The following ADGRB3 variants were observed in gnomAD, a reference collection of about 807,000 sequenced individuals.
The protein encoded by ADGRB3 is brain-specific angiogenesis inhibitor 3.
In ADGRB3, 37 loss-of-function variants were observed where a neutral mutation model predicts 193.4. The ratio of observed to expected loss-of-function variants is 0.19; its 90% CI spans 0.15 to 0.25. The LOEUF (loss-of-function observed/expected upper bound fraction) is 0.25. Among genes scored for constraint, ADGRB3 ranks in the 10% least tolerant of loss-of-function variants. The pLI is 1.00. For synonymous variants in ADGRB3, 690 were observed against 644.2 expected (o/e 1.07, Z -1.08); for missense variants, 1,637 against 1,852.9 (o/e 0.88, Z 2.14).
intron 10 of ADGRB3, among the ~76,000 whole-genome samples, chr6:68,990,828 A>C (rs1167491376): frequency 6.6e-6 from 1 of 152,190 alleles, no homozygotes; most frequent in Non-Finnish European, 1.5e-5. Context: ...TTACCGTGGC[A>C]ACCATTGCTA....
chr6:69,301,794 T>C (rs1767954503), intron 20 of ADGRB3, among the ~76,000 whole-genome samples: 1 of 151,962 alleles, frequency 6.6e-6, no homozygotes, highest in South Asian at 2.1e-4. Flanking sequence ...AAAATCAGTT[T>C]TTCACAAAAT....
At chr6:69,268,558 G>A (rs1192095342) in intron 20 of ADGRB3, among the ~76,000 whole-genome samples, 2 of 151,622 alleles carry the variant, frequency 1.3e-5, no homozygotes, top group Admixed American at 6.6e-5. Flanking sequence ...GGCATTTAAG[G>A]CATCTACACA....
intron 3 of ADGRB3, among the ~76,000 whole-genome samples, chr6:68,660,909 G>A (rs1269578442): frequency 6.6e-6 from 1 of 150,872 alleles, no homozygotes; most frequent in African/African-American, 2.4e-5. Context: ...ATAAATGGCT[G>A]TCAGAAAATC....
intron 20 of ADGRB3, among the ~76,000 whole-genome samples, chr6:69,279,863 T>C (rs1156988980): frequency 2.0e-5 from 3 of 152,144 alleles, no homozygotes; most frequent in African/African-American, 4.8e-5. Flanking sequence ...CATCTTTTTA[T>C]ACTAGGTAGC....
At chr6:68,778,442 C>T (rs756967371) in intron 3 of ADGRB3, among the ~76,000 whole-genome samples, 1 of 152,080 alleles carries the variant, frequency 6.6e-6, no homozygotes, top group Non-Finnish European at 1.5e-5. Context: ...GACAATTCCT[C>T]GCTATGAAAC....
In ADGRB3 at chr6:68,956,052, G is replaced by T. The variant is rs147746294; in HGVS notation, c.1224G>T (p.Ser408=). 1.9e-6 allele frequency: 3 copies of T among 1,613,616 alleles called. No individual in the cohort carries two copies. Among genetic ancestry groups the T allele is most frequent in the African/African-American group, 1.3e-5 (1 of 74,982 alleles). Residue 408 remains serine, a synonymous_variant, in exon 7 of 32, where the codon TCG becomes TCT. Coordinates refer to ENST00000370598, the MANE Select transcript of ADGRB3 (RefSeq NM_001704.3). ...PVDGQWQEWS[S]WSQCSVTCSN... ...ATGGACAGTGGCAAGAGTGGAGTTC[G>T]TGGAGCCAGTGCTCAGTAACGTGCT...
intron 3 of ADGRB3, among the ~76,000 whole-genome samples, chr6:68,918,125 T>G (rs1311145636): frequency 6.6e-6 from 1 of 152,200 alleles, no homozygotes; most frequent in Non-Finnish European, 1.5e-5. Flanking sequence ...AAAACATTTT[T>G]CCTTCAGAGA....
At chr6:69,290,545 T>C (rs763618720) in intron 20 of ADGRB3, among the ~76,000 whole-genome samples, 1 of 152,142 alleles carries the variant, frequency 6.6e-6, no homozygotes, top group Non-Finnish European at 1.5e-5. Flanking sequence ...TCAACCCAAA[T>C]CAGTTTCTAA....
chr6:69,302,825 T>C (rs192834191), intron 20 of ADGRB3, among the ~76,000 whole-genome samples: 5 of 152,088 alleles, frequency 3.3e-5, no homozygotes, highest in Admixed American at 3.3e-4. Flanking sequence ...ACTGTGTCCA[T>C]ATATTGCACA....
At chr6:69,173,820 G>A (rs1190625228) in intron 17 of ADGRB3, among the ~76,000 whole-genome samples, 3 of 152,168 alleles carry the variant, frequency 2.0e-5, no homozygotes, top group African/African-American at 7.2e-5. Context: ...AACATTCTGA[G>A]GATGCTGAGC....
rs1397758111 is a variant in ADGRB3 at position 69,196,641 on chromosome 6, T to TAATC, written c.2481-36647_2481-36644dup. Among the ~76,000 whole-genome samples, 3 of 152,248 alleles carry TAATC rather than the reference T, an allele frequency of 2.0e-5. No individual in the cohort carries two copies. In the East Asian group the frequency reaches 5.8e-4, roughly 29 times the overall value. On this transcript the variant is annotated intron_variant, in intron 17 of 31. Transcript: ENST00000370598. ...TAATTCTAACTGCCTAATTTTAACT[T>TAATC]AATCACCTCTATTAAAAATCTTATC... is the stretch of plus-strand genomic sequence containing the variant.
intron 20 of ADGRB3, among the ~76,000 whole-genome samples, chr6:69,260,109 T>C (rs981058446): frequency 6.6e-6 from 1 of 152,218 alleles, no homozygotes; most frequent in East Asian, 1.9e-4. Context: ...TTAATTTTGG[T>C]AATTCTCCAT....
intron 17 of ADGRB3, among the ~76,000 whole-genome samples, chr6:69,185,335 A>T (rs1033294508): frequency 7.9e-5 from 12 of 152,244 alleles, no homozygotes; most frequent in African/African-American, 2.6e-4. Context: ...TGATCTATTG[A>T]TTAACAATTT....
intron 30 of ADGRB3, among the ~76,000 whole-genome samples, chr6:69,373,759 A>G (rs1016745253): frequency 1.3e-5 from 2 of 152,026 alleles, no homozygotes; most frequent in African/African-American, 4.8e-5. Context: ...TAAAAGCAAT[A>G]AATTGTTATG....
chr6:69,116,956 C>T (rs1426239721), intron 17 of ADGRB3, among the ~76,000 whole-genome samples: 1 of 152,202 alleles, frequency 6.6e-6, no homozygotes, highest in African/African-American at 2.4e-5. Flanking sequence ...CTAGATACCC[C>T]TTTCTTCCAG....
At chr6:69,045,655 T>G (rs1771214182) in intron 13 of ADGRB3, among the ~76,000 whole-genome samples, 1 of 152,068 alleles carries the variant, frequency 6.6e-6, no homozygotes, top group Admixed American at 6.5e-5. Context: ...TAATTAAAAA[T>G]AAAATGAAAT....
chr6:68,666,562 T>C (rs1447877283), intron 3 of ADGRB3, among the ~76,000 whole-genome samples: 1 of 151,794 alleles, frequency 6.6e-6, no homozygotes, highest in African/African-American at 2.4e-5. Context: ...GAGAATAACA[T>C]TGTGGTTTTT....
intron 20 of ADGRB3, among the ~76,000 whole-genome samples, chr6:69,313,014 T>A (rs1443526504): frequency 6.6e-6 from 1 of 151,864 alleles, no homozygotes; most frequent in Non-Finnish European, 1.5e-5. Context: ...TATTTTTCAT[T>A]CCCATCTTAC....
rs564844359 is a variant in ADGRB3 at position 69,305,764 on chromosome 6, T to C, written c.2815-19108T>C. Reference sequence around the variant, plus strand: ...TTTTTGTGACCACAGAGCCTTCTCTTACTGTTTAAGCCCTCGAATATTCTA... The same window carrying C: ...TTTTTGTGACCACAGAGCCTTCTCTCACTGTTTAAGCCCTCGAATATTCTA... On this transcript the variant is annotated intron_variant, in intron 20 of 31. Transcript: ENST00000370598. 3.6e-4 allele frequency among the ~76,000 whole-genome samples: 54 copies of C among 151,490 alleles called. 1 individual carries two copies. The highest frequency in any genetic ancestry group is 9.7e-4 in the African/African-American group (40 of 41,120).
Sources: allele counts gnomAD v4.1 joint callset (sites outside exome capture counted in the v4.1 genomes callset), GRCh38; gene constraint gnomAD v4.1.1; transcripts MANE v1.5; gene names NCBI Gene and HGNC (gene_info 2026-07-23, HGNC 2026-07-21).